PPARGC1B: variants seen among roughly 807,000 people sequenced by gnomAD.
PPARGC1B encodes PPARG coactivator 1 beta.
In PPARGC1B, 34 loss-of-function variants were observed where a neutral mutation model predicts 101.6. The ratio of observed to expected loss-of-function variants is 0.33; its 90% CI spans 0.25 to 0.45. The LOEUF (loss-of-function observed/expected upper bound fraction) is 0.45. Ranked by LOEUF, PPARGC1B falls within the 20% of genes least tolerant of loss-of-function variation. The probability of loss-of-function intolerance (pLI) is 1.00; values close to 1 mark genes in which losing one functional copy is unlikely to be tolerated. For missense variants in PPARGC1B, 1,234 were observed against 1,317.6 expected (o/e 0.94, Z 0.98); for synonymous variants, 548 against 539.3 (o/e 1.02, Z -0.22).
chr5:149,742,227 TC>T (rs933834305), intron 1 of PPARGC1B, among the ~76,000 whole-genome samples: 1 of 152,144 alleles, frequency 6.6e-6, no homozygotes. Context: ...CTGCAGCTCC[TC>T]CCCTATACCA....
intron 1 of PPARGC1B, among the ~76,000 whole-genome samples, chr5:149,807,735 C>T (rs1158868605): frequency 2.0e-5 from 3 of 152,134 alleles, no homozygotes; most frequent in African/African-American, 7.2e-5. Context: ...TTACAGTTTT[C>T]CTAAATACCT....
chr5:149,772,603 G>A (rs190795952), intron 1 of PPARGC1B, among the ~76,000 whole-genome samples: 4 of 152,142 alleles, frequency 2.6e-5, no homozygotes, highest in Non-Finnish European at 4.4e-5. Flanking sequence ...GTGAGTTCAC[G>A]TGGTCTTTGG....
intron 1 of PPARGC1B, among the ~76,000 whole-genome samples, chr5:149,805,081 G>A (rs545224940): frequency 9.2e-5 from 14 of 152,294 alleles, no homozygotes; most frequent in Non-Finnish European, 7.4e-5. Flanking sequence ...TTCCTCCTTC[G>A]TGATGTTGCC....
At chr5:149,818,543 C>T (rs189702974) in intron 1 of PPARGC1B, among the ~76,000 whole-genome samples, 9 of 152,124 alleles carry the variant, frequency 5.9e-5, no homozygotes, top group African/African-American at 1.9e-4. Flanking sequence ...AGACATTTGA[C>T]CCAAATTTGG....
chr5:149,813,087 T>C (rs1187037368), intron 1 of PPARGC1B, among the ~76,000 whole-genome samples: 1 of 152,156 alleles, frequency 6.6e-6, no homozygotes, highest in South Asian at 2.1e-4. Flanking sequence ...TAACAGCTGC[T>C]GAGGCTCTGT....
chr5:149,845,953 A>G, intron 11 of PPARGC1B, 39 bp downstream of exon 11: 2 of 1,612,756 alleles, frequency 1.2e-6, no homozygotes, highest in Non-Finnish European at 1.7e-6. Context: ...AGTAAGACTC[A>G]AAGCTTGGGA....
intron 1 of PPARGC1B, among the ~76,000 whole-genome samples, chr5:149,744,426 G>A (rs1171999193): frequency 6.6e-6 from 1 of 152,222 alleles, no homozygotes. Context: ...TGAGGGGGCT[G>A]AGGGGTCCTG....
At chr5:149,802,361 G>A (rs1757457840) in intron 1 of PPARGC1B, among the ~76,000 whole-genome samples, 1 of 152,134 alleles carries the variant, frequency 6.6e-6, no homozygotes, top group African/African-American at 2.4e-5. Flanking sequence ...TTTGCATGTT[G>A]CCTGCCTCCC....
At chr5:149,786,578 G>C (rs1658944692) in intron 1 of PPARGC1B, among the ~76,000 whole-genome samples, 1 of 152,210 alleles carries the variant, frequency 6.6e-6, no homozygotes, top group Admixed American at 6.5e-5. Flanking sequence ...CCAGGGGCAG[G>C]AGCCAAGATC....
chr5:149,839,103 G>A (rs953702976), intron 8 of PPARGC1B, among the ~76,000 whole-genome samples: 10 of 152,240 alleles, frequency 6.6e-5, no homozygotes, highest in African/African-American at 2.2e-4. Context: ...TTTTATAGAT[G>A]AGGAAGCTGA....
intron 1 of PPARGC1B, among the ~76,000 whole-genome samples, chr5:149,794,332 C>A (rs929005779): frequency 1.3e-5 from 2 of 152,138 alleles, no homozygotes; most frequent in African/African-American, 4.8e-5. Flanking sequence ...AAGGCCAAGA[C>A]AAATGTTAGA....
chr5:149,744,393 G>A (rs554138310), intron 1 of PPARGC1B, among the ~76,000 whole-genome samples: 2 of 152,182 alleles, frequency 1.3e-5, no homozygotes, highest in African/African-American at 4.8e-5. Flanking sequence ...CTGCAGCACC[G>A]AAGCCAGCTT....
chr5:149,846,550 C>T (rs1376228131), intron 11 of PPARGC1B: 1 of 153,368 alleles, frequency 6.5e-6, no homozygotes, highest in Admixed American at 6.5e-5. Flanking sequence ...GGGAGGATCA[C>T]CTGAACCCAA....
At chr5:149,799,661 G>A (rs550305980) in intron 1 of PPARGC1B, among the ~76,000 whole-genome samples, 3 of 145,182 alleles carry the variant, frequency 2.1e-5, no homozygotes, top group African/African-American at 7.7e-5. Flanking sequence ...GCATATGAAT[G>A]GGCTTTTTTG....
chr5:149,779,533 T>G (rs1233274778), intron 1 of PPARGC1B, among the ~76,000 whole-genome samples: 1 of 152,152 alleles, frequency 6.6e-6, no homozygotes, highest in East Asian at 1.9e-4. Context: ...AGCAGGCCAC[T>G]GCATCCCTGG....
At chr5:149,812,040 C>T (rs1425333510) in intron 1 of PPARGC1B, among the ~76,000 whole-genome samples, 3 of 152,220 alleles carry the variant, frequency 2.0e-5, no homozygotes, top group Non-Finnish European at 2.9e-5. Flanking sequence ...TGACCAGGTA[C>T]CTACTTGGCT....
At chr5:149,809,148 T>C (rs574275176) in intron 1 of PPARGC1B, among the ~76,000 whole-genome samples, 1 of 131,738 alleles carries the variant, frequency 7.6e-6, no homozygotes, top group Non-Finnish European at 1.6e-5. Context: ...GATAGATAGA[T>C]AGATAGATAG....
chr5:149,750,230 T>C (rs961763247), intron 1 of PPARGC1B, among the ~76,000 whole-genome samples: 1 of 151,552 alleles, frequency 6.6e-6, no homozygotes, highest in Non-Finnish European at 1.5e-5. Context: ...TCACGGAACA[T>C]TGGATAAGTC....
intron 8 of PPARGC1B, among the ~76,000 whole-genome samples, chr5:149,838,130 T>G (rs1444362610): frequency 6.6e-6 from 1 of 152,190 alleles, no homozygotes; most frequent in Non-Finnish European, 1.5e-5. Flanking sequence ...AATTTTTTTT[T>G]GTTAAATAAA....
Sources: allele counts gnomAD v4.1 joint callset (sites outside exome capture counted in the v4.1 genomes callset), GRCh38; gene constraint gnomAD v4.1.1; transcripts MANE v1.5; gene names NCBI Gene and HGNC (gene_info 2026-07-23, HGNC 2026-07-21).